The following PDZRN4 variants were observed in gnomAD, a reference collection of about 807,000 sequenced individuals.
PDZRN4 encodes PDZ domain containing ring finger 4.
PDZRN4 carries 70 observed loss-of-function variants against 99.0 expected under a neutral mutation model. The ratio of observed to expected loss-of-function variants is 0.71; its 90% CI spans 0.58 to 0.86. PDZRN4 has a LOEUF of 0.86. Ranked by LOEUF, PDZRN4 falls within the 40% of genes least tolerant of loss-of-function variation. The pLI is 0.00. For missense variants in PDZRN4, 1,474 were observed against 1,331.2 expected (o/e 1.11, Z -1.67); for synonymous variants, 551 against 501.6 (o/e 1.10, Z -1.32).
intron 3 of PDZRN4, among the ~76,000 whole-genome samples, chr12:41,324,892 A>G (rs1411678984): frequency 6.6e-6 from 1 of 152,080 alleles, no homozygotes; most frequent in African/African-American, 2.4e-5. Context: ...ATTAACTCCA[A>G]CTGTTCCCTG....
chr12:41,208,611 C>A (rs1011036525), intron 3 of PDZRN4, among the ~76,000 whole-genome samples: 2 of 151,878 alleles, frequency 1.3e-5, no homozygotes, highest in Non-Finnish European at 2.9e-5. Context: ...ATTCCTTACA[C>A]GGAAGTGGTT....
intron 3 of PDZRN4, among the ~76,000 whole-genome samples, chr12:41,338,710 T>G (rs1011367943): frequency 6.6e-6 from 1 of 151,640 alleles, no homozygotes; most frequent in East Asian, 1.9e-4. Context: ...TAGAAGAAAT[T>G]TATAAATTCT....
chr12:41,551,486 A>C (rs1254229095), intron 5 of PDZRN4, among the ~76,000 whole-genome samples: 1 of 152,158 alleles, frequency 6.6e-6, no homozygotes, highest in African/African-American at 2.4e-5. Context: ...CAAAGAGGAA[A>C]GACTACCTAC....
At chr12:41,427,620 T>A (rs576220315) in intron 3 of PDZRN4, among the ~76,000 whole-genome samples, 3 of 152,356 alleles carry the variant, frequency 2.0e-5, no homozygotes, top group East Asian at 3.9e-4. Context: ...AAACATTCTA[T>A]ATTATCAGTT....
intron 3 of PDZRN4, among the ~76,000 whole-genome samples, chr12:41,326,995 TTCAA>T (rs1490779442): frequency 2.6e-5 from 4 of 152,200 alleles, no homozygotes; most frequent in African/African-American, 9.6e-5. Context: ...CTCCATTTTT[TTCAA>T]TCAGTTTCTC....
intron 3 of PDZRN4, among the ~76,000 whole-genome samples, chr12:41,311,937 C>CT (rs1211134428): frequency 6.6e-6 from 1 of 152,038 alleles, no homozygotes; most frequent in Non-Finnish European, 1.5e-5. Context: ...TTGAAAAAAA[C>CT]TTTTTTCTTT....
chr12:41,261,750 A>G (rs1951241654), intron 3 of PDZRN4, among the ~76,000 whole-genome samples: 1 of 152,126 alleles, frequency 6.6e-6, no homozygotes, highest in African/African-American at 2.4e-5. Flanking sequence ...CGGCCTCCCA[A>G]AATGCTAGGA....
chr12:41,444,530 G>A (rs1952707415), intron 3 of PDZRN4, among the ~76,000 whole-genome samples: 1 of 152,086 alleles, frequency 6.6e-6, no homozygotes, highest in Non-Finnish European at 1.5e-5. Context: ...TGGCTTACTG[G>A]AGAGCCTAAC....
chr12:41,384,118 A>G (rs1202396220), intron 3 of PDZRN4, among the ~76,000 whole-genome samples: 1 of 151,294 alleles, frequency 6.6e-6, no homozygotes, highest in African/African-American at 2.4e-5. Context: ...TTCTATAGAG[A>G]CTAAGCTTTT....
At position 41,572,585 on chromosome 12, in the gene PDZRN4, C is replaced by A; in HGVS notation, c.1806C>A (p.Tyr602Ter). The change falls in exon 10 of 10, where the codon TAC becomes TAA. Residue 602 changes from tyrosine to a stop codon, truncating the protein, a stop_gained. Transcript: ENST00000402685. LOFTEE classifies it high-confidence loss of function. ...QDTLGSVELQYNESLVSGEYI... is the reference protein window; with the variant it reads ...QDTLGSVELQ ...CTCTGGGAAGTGTTGAACTTCAGTA[C>A]AATGAGAGCCTCGTATCTGGTGAAT... The A allele has an allele frequency of 6.2e-7, 1 of 1,614,078 alleles. No homozygotes were observed. The highest frequency in any genetic ancestry group is 8.5e-7 in the Non-Finnish European group (1 of 1,179,974).
At chr12:41,570,114 A>AT (rs1939448124) in intron 9 of PDZRN4, among the ~76,000 whole-genome samples, 3 of 152,188 alleles carry the variant, frequency 2.0e-5, no homozygotes, top group Admixed American at 2.0e-4. Flanking sequence ...ATCAGAGGTA[A>AT]TACAAATGTT....
chr12:41,515,264 G>A (rs1004452534), intron 5 of PDZRN4, among the ~76,000 whole-genome samples: 3 of 152,028 alleles, frequency 2.0e-5, no homozygotes, highest in African/African-American at 7.2e-5. Context: ...GTAGATAAAC[G>A]AGAAAATAGT....
intron 3 of PDZRN4, among the ~76,000 whole-genome samples, chr12:41,398,284 G>A (rs1263267182): frequency 2.0e-5 from 3 of 152,020 alleles, no homozygotes; most frequent in Non-Finnish European, 2.9e-5. Flanking sequence ...TTTAAATTAA[G>A]TTCAATATAA....
intron 5 of PDZRN4, among the ~76,000 whole-genome samples, chr12:41,545,502 G>C (rs931994396): frequency 2.1e-5 from 3 of 139,922 alleles, no homozygotes; most frequent in Admixed American, 7.2e-5. Context: ...CCATATTGAT[G>C]ATATTAATGT....
In PDZRN4 at chr12:41,503,533, G is replaced by GA. The variant is rs539310311; in HGVS notation, c.844-2917dup. Reference sequence around the variant, plus strand: ...TTTCAATGATTTTTATATTTCCTCAGAAAAAACTATACTCTTCTGGATTTT... The same window carrying GA: ...TTTCAATGATTTTTATATTTCCTCAGAAAAAAACTATACTCTTCTGGATTTT... On this transcript the variant is annotated intron_variant, in intron 3 of 9. Coordinates refer to ENST00000402685, the MANE Select transcript of PDZRN4 (RefSeq NM_001164595.2). Among the ~76,000 whole-genome samples, 43 of 152,144 alleles carry GA rather than the reference G, an allele frequency of 2.8e-4. 1 individual carries two copies. The highest frequency in any genetic ancestry group is 1.9e-3 in the South Asian group (9 of 4,818).
intron 3 of PDZRN4, among the ~76,000 whole-genome samples, chr12:41,470,149 T>C (rs1187754984): frequency 2.6e-5 from 4 of 152,090 alleles, no homozygotes; most frequent in Admixed American, 2.6e-4. Context: ...GATGGGTTTG[T>C]CAGAAAATTT....
At chr12:41,239,004 A>G (rs1951086936) in intron 3 of PDZRN4, among the ~76,000 whole-genome samples, 1 of 152,192 alleles carries the variant, frequency 6.6e-6, no homozygotes, top group Non-Finnish European at 1.5e-5. Flanking sequence ...TTGTAAAGAC[A>G]CCTACATGCA....
Position 41,559,835 on chromosome 12 carries a change from C to T in PDZRN4, c.1366-3713C>T, listed in dbSNP as rs924139725. 3.9e-5 allele frequency among the ~76,000 whole-genome samples: 6 copies of T among 152,178 alleles called. No homozygotes were observed. The South Asian group carries it at 1.2e-3, about 32-fold the overall frequency. ...GGGGCGGTTACTCCCATGCTGTTCT[C>T]GTGATAGTGAGTGAGTTCTTTCAAG... On this transcript the variant is annotated intron_variant, in intron 7 of 9. Coordinates refer to ENST00000402685, the MANE Select transcript of PDZRN4 (RefSeq NM_001164595.2).
intron 3 of PDZRN4, among the ~76,000 whole-genome samples, chr12:41,442,493 C>T (rs1311759509): frequency 1.3e-5 from 2 of 152,114 alleles, no homozygotes; most frequent in Non-Finnish European, 2.9e-5. Flanking sequence ...TTTGTCCTTT[C>T]ACCTTCACTC....
Sources: gnomAD v4.1 joint callset for allele counts (sites outside exome capture counted in the v4.1 genomes callset) on GRCh38, gnomAD v4.1.1 for gene constraint, MANE v1.5 for transcripts, NCBI Gene and HGNC (gene_info 2026-07-23, HGNC 2026-07-21) for gene names.